RNF150: variants seen among roughly 807,000 people sequenced by gnomAD.
RNF150 encodes the protein ring finger protein 150.
A neutral mutation model predicts 39.3 loss-of-function variants in RNF150; 24 were observed. The observed-to-expected ratio is 0.61, with a 90% CI of 0.44 to 0.86. RNF150 has a LOEUF of 0.86. Ranked by LOEUF, RNF150 falls within the 40% of genes least tolerant of loss-of-function variation. The pLI is 0.00. For synonymous variants in RNF150, 255 were observed against 227.3 expected (o/e 1.12, Z -1.10); for missense variants, 502 against 587.8 (o/e 0.85, Z 1.51).
intron 1 of RNF150, among the ~76,000 whole-genome samples, chr4:141,025,819 G>T (rs1228659644): frequency 1.3e-5 from 2 of 152,126 alleles, no homozygotes; most frequent in Non-Finnish European, 2.9e-5. Flanking sequence ...AAAGCATGAA[G>T]ATAGGAAAGA....
chr4:141,068,354 C>T (rs1370233489), intron 1 of RNF150, among the ~76,000 whole-genome samples: 1 of 152,138 alleles, frequency 6.6e-6, no homozygotes, highest in Non-Finnish European at 1.5e-5. Flanking sequence ...CAGGTTATTA[C>T]TGGTAAATTT....
chr4:141,023,411 A>T (rs1735569818), intron 1 of RNF150, among the ~76,000 whole-genome samples: 1 of 121,810 alleles, frequency 8.2e-6, no homozygotes. Context: ...ACACCTAACT[A>T]CTTTTCATAT....
intron 6 of RNF150, among the ~76,000 whole-genome samples, chr4:140,872,084 G>T: frequency 6.6e-6 from 1 of 152,232 alleles, no homozygotes. Context: ...ATCAAACTTG[G>T]TTTGTTCCAT....
At chr4:141,017,387 T>G (rs933333709) in intron 1 of RNF150, among the ~76,000 whole-genome samples, 4 of 152,058 alleles carry the variant, frequency 2.6e-5, no homozygotes, top group African/African-American at 9.7e-5. Context: ...AAGAGAGAGT[T>G]CCCACATAGT....
intron 1 of RNF150, among the ~76,000 whole-genome samples, chr4:141,162,384 T>C (rs987092609): frequency 6.6e-6 from 1 of 152,180 alleles, no homozygotes; most frequent in African/African-American, 2.4e-5. Context: ...CCTCATTGCA[T>C]CTTGGAAGTA....
At chr4:141,002,752 G>A (rs565751088) in intron 1 of RNF150, among the ~76,000 whole-genome samples, 2 of 152,258 alleles carry the variant, frequency 1.3e-5, no homozygotes, top group East Asian at 1.9e-4. Context: ...GGGGAAGCCT[G>A]GGCAAAATGA....
At chr4:141,206,186 G>A (rs1362995290) in intron 1 of RNF150, among the ~76,000 whole-genome samples, 2 of 151,960 alleles carry the variant, frequency 1.3e-5, no homozygotes, top group African/African-American at 2.4e-5. Flanking sequence ...TTGGGAGGCC[G>A]AGGCAGGTGG....
At chr4:141,085,364 G>A (rs1015301877) in intron 1 of RNF150, among the ~76,000 whole-genome samples, 1 of 152,136 alleles carries the variant, frequency 6.6e-6, no homozygotes, top group African/African-American at 2.4e-5. Flanking sequence ...ATTTGGGTGG[G>A]GACACAACCA....
chr4:141,006,946 T>C lies in RNF150; in HGVS notation c.485-39073A>G, dbSNP rs546995129. On this transcript the variant is annotated intron_variant, in intron 1 of 6. Coordinates refer to ENST00000515673, the MANE Select transcript of RNF150 (RefSeq NM_020724.2). Reference sequence around the variant, plus strand: ...AAATAGTGTTGGTCTACAATATAGATATCTGTAAGAAAACTACACGTCTGG... The same window carrying C: ...AAATAGTGTTGGTCTACAATATAGACATCTGTAAGAAAACTACACGTCTGG... 1.1e-4 allele frequency among the ~76,000 whole-genome samples: 16 copies of C among 152,356 alleles called. No homozygotes were observed. The South Asian group carries it at 1.9e-3, about 18-fold the overall frequency.
chr4:141,110,831 CCT>C (rs1343512669), intron 1 of RNF150, among the ~76,000 whole-genome samples: 1 of 151,948 alleles, frequency 6.6e-6, no homozygotes. Flanking sequence ...CAACTAGTAA[CCT>C]AAAAAAGGTA....
chr4:141,160,618 T>G (rs1203644180), intron 1 of RNF150, among the ~76,000 whole-genome samples: 1 of 152,180 alleles, frequency 6.6e-6, no homozygotes, highest in Middle Eastern at 3.2e-3. Context: ...TGGTGGAAGA[T>G]GATTGGATCA....
At chr4:141,040,721 A>C (rs1736324869) in intron 1 of RNF150, among the ~76,000 whole-genome samples, 1 of 152,156 alleles carries the variant, frequency 6.6e-6, no homozygotes, top group African/African-American at 2.4e-5. Context: ...TTTCCTACCT[A>C]TGAGCAGGAA....
Position 141,158,140 on chromosome 4 carries a change from A to T in RNF150, c.-6+54654T>A, listed in dbSNP as rs191682452. ...ACCCCATCTCTACTAAAAATACAAA[A>T]ATTAGCTGGGTGTGGTGGCACATGC... On this transcript the variant is annotated intron_variant, in intron 1 of 7. Coordinates refer to the RNF150 transcript ENST00000420921. Among the ~76,000 whole-genome samples, 4 of 152,174 alleles carry T rather than the reference A, an allele frequency of 2.6e-5. No homozygotes were observed. The East Asian group carries it at 7.7e-4, about 29-fold the overall frequency.
intron 1 of RNF150, among the ~76,000 whole-genome samples, chr4:141,113,885 A>G (rs1739467503): frequency 6.6e-6 from 1 of 152,224 alleles, no homozygotes; most frequent in African/African-American, 2.4e-5. Context: ...CTGCATAACT[A>G]CATCGAAACT....
chr4:141,179,244 T>C (rs1385825273), intron 1 of RNF150, among the ~76,000 whole-genome samples: 1 of 152,172 alleles, frequency 6.6e-6, no homozygotes, highest in Non-Finnish European at 1.5e-5. Flanking sequence ...AATCTGTAAA[T>C]ATGTCCTCAC....
chr4:141,144,978 A>G (rs561588121), intron 1 of RNF150, among the ~76,000 whole-genome samples: 48 of 152,232 alleles, frequency 3.2e-4, no homozygotes, highest in Non-Finnish European at 5.6e-4. Flanking sequence ...AGCTTAGGCA[A>G]AAGAGTAACA....
At chr4:141,150,769 G>T (rs1727283623) in intron 1 of RNF150, among the ~76,000 whole-genome samples, 1 of 152,022 alleles carries the variant, frequency 6.6e-6, no homozygotes, top group South Asian at 2.1e-4. Flanking sequence ...ATCTTAAGAG[G>T]GCAGGAATTT....
intron 2 of RNF150, among the ~76,000 whole-genome samples, chr4:140,963,799 T>C (rs1273805475): frequency 6.6e-6 from 1 of 152,062 alleles, no homozygotes; most frequent in Non-Finnish European, 1.5e-5. Flanking sequence ...ACTTAGACTA[T>C]GGCCATTGGA....
At chr4:141,023,266 G>A (rs1392926847) in intron 1 of RNF150, among the ~76,000 whole-genome samples, 1 of 151,916 alleles carries the variant, frequency 6.6e-6, no homozygotes, top group East Asian at 1.9e-4. Flanking sequence ...ATGTTTGAGT[G>A]ATGGAGTCTT....
Sources: gnomAD v4.1 joint callset for allele counts (sites outside exome capture counted in the v4.1 genomes callset) on GRCh38, gnomAD v4.1.1 for gene constraint, MANE v1.5 for transcripts, NCBI Gene and HGNC (gene_info 2026-07-23, HGNC 2026-07-21) for gene names.